HSD17B12: variants seen among roughly 807,000 people sequenced by gnomAD.
The protein encoded by HSD17B12 is very-long-chain 3-oxoacyl-CoA reductase.
A neutral mutation model predicts 39.3 loss-of-function variants in HSD17B12; 32 were observed. The observed-to-expected ratio is 0.81, with a 90% confidence interval of 0.61 to 1.09. The LOEUF (loss-of-function observed/expected upper bound fraction) is 1.09, where lower values mean the gene tolerates loss of function less well. Among genes scored for constraint, HSD17B12 ranks in the 50% least tolerant of loss-of-function variants. The pLI, the probability that HSD17B12 is intolerant of heterozygous loss-of-function variation, is 0.00. For synonymous variants in HSD17B12, 150 were observed against 146.7 expected, an observed-to-expected ratio of 1.02 and a Z score of -0.16; for missense variants, 342 against 382.9, an observed-to-expected ratio of 0.89 and a Z score of 0.89.
intron 3 of HSD17B12, among the ~76,000 whole-genome samples, chr11:43,778,449 A>G (rs1228912087): frequency 7.9e-5 from 12 of 152,124 alleles, no homozygotes; most frequent in African/African-American, 2.4e-4. Flanking sequence ...TATTCCAATC[A>G]ATAGAAAAAG....
the HSD17B12 span, among the ~76,000 whole-genome samples, chr11:43,664,191 A>G: frequency 6.6e-6 from 1 of 152,180 alleles, no homozygotes; most frequent in African/African-American, 2.4e-5. Context: ...GTTACAGGCT[A>G]AGTCATAAAT....
intron 3 of HSD17B12, 109 bp from the exon 4 acceptor site, chr11:43,798,211 T>C (rs1049876185): frequency 9.1e-6 from 6 of 656,512 alleles, no homozygotes; most frequent in Admixed American, 2.9e-5. Flanking sequence ...TTGTATCAAA[T>C]TGGGTGGGGA....
chr11:43,667,622 A>T, the HSD17B12 span, among the ~76,000 whole-genome samples: 1 of 152,226 alleles, frequency 6.6e-6, no homozygotes, highest in Non-Finnish European at 1.5e-5. Context: ...AATGAGATAT[A>T]TTGGGGATGT....
intron 1 of HSD17B12, among the ~76,000 whole-genome samples, chr11:43,721,279 A>C (rs1410604249): frequency 6.6e-6 from 1 of 152,048 alleles, no homozygotes; most frequent in Non-Finnish European, 1.5e-5. Flanking sequence ...TGAAGACATG[A>C]CGTTGAGTGG....
chr11:43,663,443 G>A, the HSD17B12 span, among the ~76,000 whole-genome samples: 1 of 151,990 alleles, frequency 6.6e-6, no homozygotes, highest in African/African-American at 2.4e-5. Context: ...TGTTGCCCAG[G>A]CAGGTCTCAA....
the HSD17B12 span, among the ~76,000 whole-genome samples, chr11:43,611,314 T>C: frequency 6.6e-6 from 1 of 152,234 alleles, no homozygotes; most frequent in East Asian, 1.9e-4. Context: ...GCTTTTGAAT[T>C]ACTCATCCCA....
intron 2 of HSD17B12, among the ~76,000 whole-genome samples, chr11:43,752,964 C>A (rs1332558058): frequency 6.6e-6 from 1 of 152,080 alleles, no homozygotes; most frequent in Non-Finnish European, 1.5e-5. Context: ...ACTTAATAAA[C>A]CCTGACTTTA....
chr11:43,800,119 TC>T (rs1385930630), intron 4 of HSD17B12, among the ~76,000 whole-genome samples: 2 of 152,204 alleles, frequency 1.3e-5, no homozygotes, highest in South Asian at 4.1e-4. Context: ...AATCTTGACT[TC>T]CTTCACCTAG....
At chr11:43,850,341 A>C (rs1484790034) in intron 9 of HSD17B12, among the ~76,000 whole-genome samples, 1 of 152,170 alleles carries the variant, frequency 6.6e-6, no homozygotes, top group Non-Finnish European at 1.5e-5. Flanking sequence ...CAGGAAATGG[A>C]GTTTTCCTAA....
intron 3 of HSD17B12, among the ~76,000 whole-genome samples, chr11:43,777,807 C>T (rs535371571): frequency 6.6e-6 from 1 of 152,194 alleles, no homozygotes; most frequent in African/African-American, 2.4e-5. Context: ...CACAACATAC[C>T]AGAATCTCTG....
At chr11:43,821,652 G>A (rs1477286401) in intron 6 of HSD17B12, among the ~76,000 whole-genome samples, 1 of 152,104 alleles carries the variant, frequency 6.6e-6, no homozygotes, top group African/African-American at 2.4e-5. Flanking sequence ...AACTGCTATT[G>A]ATTGCTATTA....
At chr11:43,651,103 T>C in the HSD17B12 span, among the ~76,000 whole-genome samples, 1 of 152,182 alleles carries the variant, frequency 6.6e-6, no homozygotes. Context: ...AGTACAGTGT[T>C]CCATGAAAAT....
the HSD17B12 span, among the ~76,000 whole-genome samples, chr11:43,613,391 C>CA: frequency 0.015 from 2,026 of 137,978 alleles, 33 homozygotes; most frequent in East Asian, 0.04. Flanking sequence ...AACTCTGTCT[C>CA]AAAAAAAAAA....
At chr11:43,667,856 T>C in the HSD17B12 span, among the ~76,000 whole-genome samples, 1 of 152,222 alleles carries the variant, frequency 6.6e-6, no homozygotes, top group Non-Finnish European at 1.5e-5. Context: ...ATGCTCAACC[T>C]GTATTTATTA....
At chr11:43,667,184 C>T in the HSD17B12 span, among the ~76,000 whole-genome samples, 1 of 152,132 alleles carries the variant, frequency 6.6e-6, no homozygotes, top group African/African-American at 2.4e-5. Context: ...CAGAGTATCA[C>T]TCTATGGCCC....
At chr11:43,658,811 G>T in the HSD17B12 span, among the ~76,000 whole-genome samples, 3 of 152,196 alleles carry the variant, frequency 2.0e-5, no homozygotes, top group Non-Finnish European at 2.9e-5. Context: ...CTACTGGGGG[G>T]TGCCTCCCAG....
At chr11:43,826,106 G>C (rs1453248874) in intron 6 of HSD17B12, among the ~76,000 whole-genome samples, 1 of 137,454 alleles carries the variant, frequency 7.3e-6, no homozygotes, top group African/African-American at 2.9e-5. Flanking sequence ...TTTTTGAGAC[G>C]GAGTCTCACT....
chr11:43,750,338 T>C (rs920221679), intron 1 of HSD17B12, among the ~76,000 whole-genome samples: 2 of 152,210 alleles, frequency 1.3e-5, no homozygotes, highest in African/African-American at 4.8e-5. Context: ...TTTTGTAATG[T>C]CTTAGAGATT....
At chr11:43,829,775 G>C (rs1297276972) in intron 6 of HSD17B12, 1 of 152,022 alleles carries the variant, frequency 6.6e-6, no homozygotes, top group Admixed American at 6.5e-5. Flanking sequence ...CAGAACTTTG[G>C]AGAACTGAAT....
Sources: allele counts gnomAD v4.1 joint callset (sites outside exome capture counted in the v4.1 genomes callset), GRCh38; gene constraint gnomAD v4.1.1; transcripts MANE v1.5; gene names NCBI Gene and HGNC (gene_info 2026-07-23, HGNC 2026-07-21).